The following DGKB variants were observed in gnomAD, a reference collection of about 807,000 sequenced individuals.
The protein encoded by DGKB is 90 kDa diacylglycerol kinase.
A neutral mutation model predicts 114.3 loss-of-function variants in DGKB; 67 were observed. That is an observed-to-expected ratio of 0.59 (90% CI 0.48 to 0.72). The LOEUF is 0.72. Among genes scored for constraint, DGKB ranks in the 30% least tolerant of loss-of-function variants. The probability of loss-of-function intolerance (pLI) is 0.00; values close to 1 mark genes in which losing one functional copy is unlikely to be tolerated. For missense variants in DGKB, 907 were observed against 975.2 expected, an observed-to-expected ratio of 0.93 and a Z score of 0.93; for synonymous variants, 398 against 323.1, an observed-to-expected ratio of 1.23 and a Z score of -2.49.
chr7:14,573,477 G>C (rs1010408602), intron 20 of DGKB, among the ~76,000 whole-genome samples: 2 of 143,196 alleles, frequency 1.4e-5, no homozygotes, highest in South Asian at 2.1e-4. Context: ...CTGTGTGTGT[G>C]TGTGTGTGTG....
intron 23 of DGKB, among the ~76,000 whole-genome samples, chr7:14,264,181 T>C (rs1199192483): frequency 6.6e-6 from 1 of 152,204 alleles, no homozygotes; most frequent in Non-Finnish European, 1.5e-5. Flanking sequence ...GACAGTGGAT[T>C]GACTGTTATA....
At chr7:14,265,983 T>G (rs1797460280) in intron 23 of DGKB, among the ~76,000 whole-genome samples, 1 of 152,176 alleles carries the variant, frequency 6.6e-6, no homozygotes, top group African/African-American at 2.4e-5. Context: ...TAGCCTATTT[T>G]GTTTTTGAAG....
At chr7:14,553,499 G>A (rs190311472) in intron 20 of DGKB, among the ~76,000 whole-genome samples, 5 of 152,260 alleles carry the variant, frequency 3.3e-5, no homozygotes, top group Admixed American at 6.5e-5. Flanking sequence ...AAAAGAATCA[G>A]TAGAACAGCA....
At chr7:14,362,244 AT>A (rs1310209303) in intron 21 of DGKB, among the ~76,000 whole-genome samples, 9 of 152,068 alleles carry the variant, frequency 5.9e-5, no homozygotes, top group Middle Eastern at 3.2e-3. Flanking sequence ...TCCTTACATT[AT>A]GGCAGTTGAT....
intron 23 of DGKB, among the ~76,000 whole-genome samples, chr7:14,315,229 G>T (rs374109006): frequency 6.7e-6 from 1 of 148,380 alleles, no homozygotes; most frequent in Non-Finnish European, 1.5e-5. Flanking sequence ...ATCAACTAAC[G>T]AGCAAAATCA....
chr7:14,686,639 A>T (rs1455377028), intron 9 of DGKB, among the ~76,000 whole-genome samples: 4 of 152,254 alleles, frequency 2.6e-5, no homozygotes, highest in South Asian at 2.1e-4. Flanking sequence ...AATGCTCCTA[A>T]CTACCTTTCC....
At chr7:14,242,413 T>C (rs1447413345) in intron 23 of DGKB, among the ~76,000 whole-genome samples, 1 of 152,180 alleles carries the variant, frequency 6.6e-6, no homozygotes, top group African/African-American at 2.4e-5. Context: ...GCTTAGCTTA[T>C]GTCACTCACA....
chr7:14,340,635 C>T (rs1271045104), intron 22 of DGKB, among the ~76,000 whole-genome samples: 1 of 151,440 alleles, frequency 6.6e-6, no homozygotes, highest in African/African-American at 2.4e-5. Context: ...CCTGTGGCTT[C>T]TGAAATCTGC....
At chr7:14,932,752 C>A (rs7786729) in intron 1 of DGKB, among the ~76,000 whole-genome samples, 30,364 of 151,922 alleles carry the variant, frequency 0.2, 4,765 homozygotes, top group East Asian at 0.77. Flanking sequence ...GCTTGAGAAC[C>A]AAAGTATCAT....
intron 1 of DGKB, among the ~76,000 whole-genome samples, chr7:14,912,324 T>A (rs1473318136): frequency 6.6e-6 from 1 of 152,190 alleles, no homozygotes; most frequent in African/African-American, 2.4e-5. Flanking sequence ...CTACTTCATA[T>A]TTGTTGAATA....
At chr7:14,351,862 C>T (rs760605793) in intron 21 of DGKB, among the ~76,000 whole-genome samples, 7 of 151,932 alleles carry the variant, frequency 4.6e-5, no homozygotes, top group South Asian at 2.1e-4. Flanking sequence ...TTATTTAAAC[C>T]GCTAAACTCA....
chr7:14,269,616 T>C (rs1332051644), intron 23 of DGKB, among the ~76,000 whole-genome samples: 3 of 152,168 alleles, frequency 2.0e-5, no homozygotes, highest in Admixed American at 2.0e-4. Flanking sequence ...TGCAACCTTA[T>C]ATTCTGGCAG....
rs533611190 is a variant in DGKB, at chr7:14,529,846, T to C, written c.1770+44366A>G. Among the ~76,000 whole-genome samples, 63 of 151,880 alleles carry C rather than the reference T, an allele frequency of 4.1e-4. 1 individual carries two copies. The South Asian group carries it at 0.013, about 30-fold the overall frequency. The stretch of plus-strand genomic sequence containing the variant: ...GTTTGCCTGGTATGTTCCTTCTCTT[T>C]GGAATTCTACACTATAATAAAGTAT... On this transcript the variant is annotated intron_variant, in intron 20 of 25. Transcript: ENST00000402815.
At chr7:14,840,552 T>C (rs573808416) in intron 2 of DGKB, among the ~76,000 whole-genome samples, 1 of 152,276 alleles carries the variant, frequency 6.6e-6, no homozygotes, top group African/African-American at 2.4e-5. Flanking sequence ...TACAGTGAAG[T>C]GAATGATCAT....
At chr7:14,513,870 C>T (rs1788362276) in intron 20 of DGKB, among the ~76,000 whole-genome samples, 1 of 151,888 alleles carries the variant, frequency 6.6e-6, no homozygotes, top group Non-Finnish European at 1.5e-5. Flanking sequence ...TTGTAATGTT[C>T]TACTAGTTAC....
At position 14,611,278 on chromosome 7, in the gene DGKB, C is replaced by A. The variant is rs187733995; in HGVS notation, c.1358+2062G>T. Reference sequence around the variant, plus strand: ...ATCTATTTATGTCCCTGCCTCTCTGCACGACTGTGTATTATGCCTCTTATT... The same window carrying A: ...ATCTATTTATGTCCCTGCCTCTCTGAACGACTGTGTATTATGCCTCTTATT... On this transcript the variant is annotated intron_variant, in intron 16 of 25. Coordinates refer to ENST00000402815, the MANE Select transcript of DGKB (RefSeq NM_001350709.2). Among the ~76,000 whole-genome samples, 879 of 152,242 alleles carry A rather than the reference C, an allele frequency of 5.8e-3. 7 individuals are homozygous for A. The highest frequency in any genetic ancestry group is 0.011 in the Admixed American group (174 of 15,252).
intron 15 of DGKB, among the ~76,000 whole-genome samples, chr7:14,620,013 A>G (rs1280614561): frequency 6.6e-6 from 1 of 151,582 alleles, no homozygotes; most frequent in Non-Finnish European, 1.5e-5. Flanking sequence ...AAACTTATCA[A>G]TATTAGGCAT....
At chr7:14,637,528 A>G (rs572200140) in intron 13 of DGKB, among the ~76,000 whole-genome samples, 21 of 151,274 alleles carry the variant, frequency 1.4e-4, no homozygotes, top group African/African-American at 4.1e-4. Context: ...TTATATATAT[A>G]TGTGTGTATA....
At chr7:14,566,696 C>T (rs2128687489) in intron 20 of DGKB, among the ~76,000 whole-genome samples, 1 of 152,200 alleles carries the variant, frequency 6.6e-6, no homozygotes, top group South Asian at 2.1e-4. Flanking sequence ...AGCAGCCTTT[C>T]ATGTTACTCA....
Sources: allele counts gnomAD v4.1 joint callset (sites outside exome capture counted in the v4.1 genomes callset), GRCh38; gene constraint gnomAD v4.1.1; transcripts MANE v1.5; gene names NCBI Gene and HGNC (gene_info 2026-07-23, HGNC 2026-07-21).